Variants in CDKAL1 observed in about 807,000 individuals in gnomAD.
CDKAL1 encodes threonylcarbamoyladenosine tRNA methylthiotransferase.
In CDKAL1, 32 loss-of-function variants were observed where a neutral mutation model predicts 68.2. That is an observed-to-expected ratio of 0.47 (90% CI 0.35 to 0.63). The LOEUF (loss-of-function observed/expected upper bound fraction) is 0.63. CDKAL1 is among the 30% of genes least tolerant of loss of function. The pLI, the probability that CDKAL1 is intolerant of heterozygous loss-of-function variation, is 0.00. For synonymous variants in CDKAL1, 234 were observed against 244.3 expected, an observed-to-expected ratio of 0.96 and a Z score of 0.39; for missense variants, 606 against 696.7, an observed-to-expected ratio of 0.87 and a Z score of 1.47.
intron 13 of CDKAL1, among the ~76,000 whole-genome samples, chr6:21,130,533 A>C (rs1216523447): frequency 6.6e-6 from 1 of 152,084 alleles, no homozygotes; most frequent in African/African-American, 2.4e-5. Context: ...CCTGGACCTA[A>C]CATTTTTATA....
intron 12 of CDKAL1, among the ~76,000 whole-genome samples, chr6:21,067,801 T>C (rs991761670): frequency 3.9e-5 from 6 of 152,160 alleles, no homozygotes; most frequent in Non-Finnish European, 8.8e-5. Flanking sequence ...CCCCAAATAG[T>C]TGAATAAATT....
intron 11 of CDKAL1, among the ~76,000 whole-genome samples, chr6:21,019,918 C>T (rs1249882838): frequency 6.6e-6 from 1 of 150,872 alleles, no homozygotes; most frequent in Non-Finnish European, 1.5e-5. Context: ...TTTTTTTATA[C>T]AGTGGCCACT....
At chr6:20,815,937 G>C (rs757251770) in intron 8 of CDKAL1, among the ~76,000 whole-genome samples, 1 of 152,254 alleles carries the variant, frequency 6.6e-6, no homozygotes, top group South Asian at 2.1e-4. Context: ...CAGTTCCAAA[G>C]ACCAGAAACC....
Position 20,767,020 on chromosome 6 carries a change from AT to A in CDKAL1, c.517+8384del, listed in dbSNP as rs552196753. Among the ~76,000 whole-genome samples the A allele has an allele frequency of 1.8e-3, 279 of 152,168 alleles. 1 individual carries two copies. The highest frequency in any genetic ancestry group is 6.3e-3 in the African/African-American group (261 of 41,536). Reference sequence around the variant, plus strand: ...CTTTAAAAGAAAATACAAAAATAACATTTTTTTCATGTTATATTCTTCCTTT... The same window carrying A: ...CTTTAAAAGAAAATACAAAAATAACATTTTTTCATGTTATATTCTTCCTTT... On this transcript the variant is annotated intron_variant, in intron 7 of 15. Transcript: ENST00000274695.
At chr6:20,691,527 C>T (rs543747215) in intron 5 of CDKAL1, among the ~76,000 whole-genome samples, 1 of 152,114 alleles carries the variant, frequency 6.6e-6, no homozygotes, top group East Asian at 1.9e-4. Context: ...TTAGAGGAGG[C>T]CTTATTTTCT....
intron 7 of CDKAL1, among the ~76,000 whole-genome samples, chr6:20,760,232 G>A (rs1203510526): frequency 6.6e-6 from 1 of 151,984 alleles, no homozygotes; most frequent in Admixed American, 6.6e-5. Flanking sequence ...CACCCACCTT[G>A]GCCTCCAAAA....
intron 8 of CDKAL1, among the ~76,000 whole-genome samples, chr6:20,798,630 G>A (rs989499689): frequency 6.6e-6 from 1 of 151,964 alleles, no homozygotes; most frequent in Non-Finnish European, 1.5e-5. Context: ...GGATGAAGCT[G>A]GAAACCATCA....
At chr6:21,084,225 C>T (rs1235408586) in intron 12 of CDKAL1, among the ~76,000 whole-genome samples, 1 of 152,116 alleles carries the variant, frequency 6.6e-6, no homozygotes, top group East Asian at 1.9e-4. Context: ...TTAATCTATT[C>T]TAAATCTTTG....
chr6:20,678,457 C>A (rs941205455), intron 5 of CDKAL1, among the ~76,000 whole-genome samples: 3 of 152,150 alleles, frequency 2.0e-5, no homozygotes. Flanking sequence ...TTGTGAACCA[C>A]ATTTAAAATC....
In CDKAL1 at chr6:20,613,102, A is replaced by G. The variant is rs9465832; in HGVS notation, c.287-36191A>G. ...CACACACACATATATATATACATACATAATGTTTTTTGCTTTCTCCTTTTA... is the reference window on the plus strand; with the variant it reads ...CACACACACATATATATATACATACGTAATGTTTTTTGCTTTCTCCTTTTA... On this transcript the variant is annotated intron_variant, in intron 4 of 15. Coordinates refer to ENST00000274695, the MANE Select transcript of CDKAL1 (RefSeq NM_017774.3). Among the ~76,000 whole-genome samples, 598 of 152,036 alleles carry G rather than the reference A, an allele frequency of 3.9e-3. 6 individuals are homozygous for G. Among genetic ancestry groups the G allele is most frequent in the African/African-American group, 0.014 (569 of 41,480 alleles).
At chr6:20,793,162 T>C (rs1019399843) in intron 8 of CDKAL1, among the ~76,000 whole-genome samples, 1 of 150,624 alleles carries the variant, frequency 6.6e-6, no homozygotes, top group Non-Finnish European at 1.5e-5. Flanking sequence ...TTTCTGTGCT[T>C]ACTCCTAAAA....
intron 4 of CDKAL1, among the ~76,000 whole-genome samples, chr6:20,548,923 G>C (rs1763710062): frequency 6.6e-6 from 1 of 152,148 alleles, no homozygotes; most frequent in Admixed American, 6.5e-5. Flanking sequence ...TAAAATTAGA[G>C]AGTTCACATA....
intron 5 of CDKAL1, among the ~76,000 whole-genome samples, chr6:20,664,478 T>C (rs1385494273): frequency 6.6e-6 from 1 of 152,182 alleles, no homozygotes; most frequent in Non-Finnish European, 1.5e-5. Flanking sequence ...AAGTTTAATT[T>C]GGTGCTTTCC....
In CDKAL1 at chr6:20,950,014, T is replaced by C. The variant is rs536141969; in HGVS notation, c.743-5405T>C. On this transcript the variant is annotated intron_variant, in intron 9 of 15. Transcript: ENST00000274695. ...CGTGTTGGCCAGGCTGGTCTTGAAC[T>C]CCTGACCTCAAGTGATCCACTTGTC... 3.3e-5 allele frequency among the ~76,000 whole-genome samples: 5 copies of C among 152,238 alleles called. No homozygotes were observed. The South Asian group carries it at 1.0e-3, about 32-fold the overall frequency.
intron 15 of CDKAL1, among the ~76,000 whole-genome samples, chr6:21,205,697 A>G (rs1778887237): frequency 6.7e-6 from 1 of 148,714 alleles, no homozygotes; most frequent in Non-Finnish European, 1.5e-5. Flanking sequence ...CGCCCAGCTA[A>G]TTGTTTTGTA....
intron 8 of CDKAL1, among the ~76,000 whole-genome samples, chr6:20,799,200 G>A (rs1260440710): frequency 1.3e-5 from 2 of 151,644 alleles, no homozygotes; most frequent in Admixed American, 6.6e-5. Flanking sequence ...TTACAGGCAC[G>A]CACCACCGCA....
At chr6:21,156,424 CAAAA>C (rs372631710) in intron 13 of CDKAL1, among the ~76,000 whole-genome samples, 9 of 85,154 alleles carry the variant, frequency 1.1e-4, no homozygotes, top group African/African-American at 2.7e-4. Flanking sequence ...ACCCTGTCTC[CAAAA>C]AAAAAAAAAA....
chr6:20,881,933 A>T (rs551135369), intron 9 of CDKAL1, among the ~76,000 whole-genome samples: 1 of 152,134 alleles, frequency 6.6e-6, no homozygotes, highest in South Asian at 2.1e-4. Context: ...TTTCTAGTCA[A>T]ACTCTCTTAT....
chr6:21,050,266 A>G (rs975286910), intron 11 of CDKAL1, among the ~76,000 whole-genome samples: 3 of 152,208 alleles, frequency 2.0e-5, no homozygotes, highest in African/African-American at 7.2e-5. Context: ...TATTGATTGT[A>G]GGAATTTTTT....
Sources: allele counts gnomAD v4.1 joint callset (sites outside exome capture counted in the v4.1 genomes callset), GRCh38; gene constraint gnomAD v4.1.1; transcripts MANE v1.5; gene names NCBI Gene and HGNC (gene_info 2026-07-23, HGNC 2026-07-21).